The following TLR10 variants were observed in gnomAD, a reference collection of about 807,000 sequenced individuals.
TLR10 encodes the protein toll-like receptor 10.
For missense variants in TLR10, 929 were observed against 932.9 expected, an observed-to-expected ratio of 1.00 and a Z score of 0.05; for synonymous variants, 288 against 338.8, an observed-to-expected ratio of 0.85 and a Z score of 1.65.
In TLR10 at chr4:38,774,878, C is replaced by T. The variant is rs1355042377; in HGVS notation, c.713G>A (p.Ser238Asn). Residue 238 changes from serine (S) to asparagine (N), a missense_variant, in exon 4 of 4, where the codon AGT becomes AAT. By Grantham distance (46) the Ser-to-Asn change is conservative (BLOSUM62 1). Transcript: ENST00000308973. ...FVSYEMQRNL[S>N]LENAKTSVLL... is the part of the protein sequence containing the mutation. ...AACCGATGTCTTAGCATTTTCTAAA[C>T]TAAGATTTCGTTGCATTTCATAACT... 8 of 1,607,524 alleles carry T rather than the reference C, an allele frequency of 5.0e-6. No individual in the cohort carries two copies. The East Asian group carries it at 1.3e-4, about 27-fold the overall frequency.
rs11466662 is a variant in TLR10 at position 38,772,808 on chromosome 4, A to G, written c.*347T>C. On this transcript the variant is annotated 3_prime_UTR_variant, in exon 4 of 4. Coordinates refer to ENST00000308973, the MANE Select transcript of TLR10 (RefSeq NM_030956.4). The stretch of plus-strand genomic sequence containing the variant: ...CAGCTAATTTTTGTATTTTTAGTAG[A>G]GACAGGGTTTCACCATGTTGGCCAG... 474 of 155,808 alleles carry G rather than the reference A, an allele frequency of 3.0e-3. 1 individual carries two copies. Among genetic ancestry groups the G allele is most frequent in the African/African-American group, 0.011 (459 of 41,586 alleles). The allele number at this position is 155,808 out of a possible 1,614,324, so 9.7% of individuals were successfully genotyped here.
intron 1 of TLR10, among the ~76,000 whole-genome samples, chr4:38,778,429 AAAAT>A (rs140633479): frequency 7.4e-5 from 11 of 149,134 alleles, no homozygotes; most frequent in Admixed American, 4.0e-4. Flanking sequence ...CTTACAGTAT[AAAAT>A]AAATAAATAA....
At chr4:38,777,928 ATCCTGCAATGCCATTACTGGGTATC>A (rs1313278102) in intron 1 of TLR10, among the ~76,000 whole-genome samples, 1 of 152,214 alleles carries the variant, frequency 6.6e-6, no homozygotes, top group Non-Finnish European at 1.5e-5. Context: ...ATACTATTTG[ATCCTGCAATGCCATTACTGGGTATC>A]TATCCAAAGG....
intron 1 of TLR10, among the ~76,000 whole-genome samples, chr4:38,781,531 C>T (rs991656775): frequency 5.9e-5 from 9 of 152,108 alleles, no homozygotes; most frequent in Non-Finnish European, 1.5e-5. Flanking sequence ...GATGGGGTTT[C>T]ACCATGTTGG....
At chr4:38,779,936 C>T (rs1280742008) in intron 1 of TLR10, among the ~76,000 whole-genome samples, 1 of 152,174 alleles carries the variant, frequency 6.6e-6, no homozygotes, top group Non-Finnish European at 1.5e-5. Context: ...ATGGTGCCTG[C>T]TCATTACTGC....
intron 1 of TLR10, among the ~76,000 whole-genome samples, chr4:38,781,594 C>T (rs374271946): frequency 6.6e-6 from 1 of 152,138 alleles, no homozygotes; most frequent in South Asian, 2.1e-4. Context: ...CCTACTACTA[C>T]GTTAAAAGCA....
At chr4:38,777,302 G>T (rs551550454) in intron 1 of TLR10, among the ~76,000 whole-genome samples, 2 of 152,294 alleles carry the variant, frequency 1.3e-5, no homozygotes, top group Admixed American at 6.5e-5. Flanking sequence ...TTTGGAGAGA[G>T]AGAGAACAGC....
chr4:38,782,366 T>A (rs1442995383), intron 1 of TLR10, among the ~76,000 whole-genome samples: 1 of 152,192 alleles, frequency 6.6e-6, no homozygotes, highest in African/African-American at 2.4e-5. Context: ...GGGAGAAAGC[T>A]TATCAAGAAA....
In TLR10 at chr4:38,775,282, C is replaced by T; in HGVS notation, c.309G>A (p.Leu103=). ...EFNKELRYLD[L]SNNRLKSVTW... ...TTACACTCTTCAGTCTGTTATTAGA[C>T]AAATCTAAATATCTTAACTCCTTGT... Residue 103 remains leucine (L), a synonymous_variant, in exon 4 of 4, where the codon TTG becomes TTA. Coordinates refer to ENST00000308973, the MANE Select transcript of TLR10 (RefSeq NM_030956.4). 1 of 1,614,028 alleles carries T rather than the reference C, an allele frequency of 6.2e-7. No homozygotes were observed. The highest frequency in any genetic ancestry group is 8.5e-7 in the Non-Finnish European group (1 of 1,179,982).
Position 38,772,380 on chromosome 4 carries a change from TACTACATC to T in TLR10, c.*767_*774del, listed in dbSNP as rs1396336371. On this transcript the variant is annotated 3_prime_UTR_variant, in exon 4 of 4. Coordinates refer to ENST00000308973, the MANE Select transcript of TLR10 (RefSeq NM_030956.4). Reference sequence around the variant, plus strand: ...CAACCTCCCAGACCCAAACCACTGTTACTACATCTGGTATAGATTTCTTTACACTTTTA... The same window carrying T: ...CAACCTCCCAGACCCAAACCACTGTTTGGTATAGATTTCTTTACACTTTTA... The T allele has an allele frequency of 6.6e-6, 1 of 152,182 alleles. No homozygotes were observed. The highest frequency in any genetic ancestry group is 1.5e-5 in the Non-Finnish European group (1 of 68,030). The allele number at this position is 152,182 out of a possible 1,614,324, so 9.4% of individuals were successfully genotyped here. A position where few individuals can be genotyped will look rare whatever the true frequency, so the allele number is the denominator to read the frequency against.
At position 38,774,729 on chromosome 4, in the gene TLR10, C is replaced by A; in HGVS notation, c.862G>T (p.Asp288Tyr). The A allele has an allele frequency of 1.3e-6, 2 of 1,590,006 alleles. No homozygotes were observed. The highest frequency in any genetic ancestry group is 2.3e-5 in the South Asian group (2 of 86,314). The change falls in exon 4 of 4, where the codon GAC becomes TAC. Residue 288 changes from aspartate (D) to tyrosine (Y), a missense_variant. By Grantham distance (160) the Asp-to-Tyr change is radical. Coordinates refer to ENST00000308973, the MANE Select transcript of TLR10 (RefSeq NM_030956.4). ...NVTFGGKAYL[D>Y]HNSFDYSNTV... ...TTTGAGTAGTCAAATGAATTGTGGT[C>A]AAGATAAGCCTTACCACCAAAAGTC...
In TLR10 at chr4:38,775,767, G is replaced by T; in HGVS notation, c.-63+8C>A. On this transcript the variant is annotated splice_region_variant and intron_variant, in intron 3 of 3. Transcript: ENST00000308973. ...ACATTCATCAAGAGGTTGGAGTAAG[G>T]TTCCAACCTGTATATTGGGTCTTCG... 1.7e-6 allele frequency: 1 copy of T among 577,114 alleles called. No homozygotes were observed. Among genetic ancestry groups the T allele is most frequent in the Non-Finnish European group, 2.8e-6 (1 of 351,328 alleles). The allele number at this position is 577,114 out of a possible 1,614,324, so 35.7% of individuals were successfully genotyped here.
At position 38,775,203 on chromosome 4, in the gene TLR10, C is replaced by CA. The variant is rs1560444237; in HGVS notation, c.387dup (p.Asp130Ter). ...GCTTCCTCACAGATAGGCATGGTGT[C>CA]AAAGTCATTAAAAGAAAGATCTAAA... On this transcript the variant is annotated frameshift_variant, in exon 4 of 4. Coordinates refer to ENST00000308973, the MANE Select transcript of TLR10 (RefSeq NM_030956.4). LOFTEE classifies it low-confidence loss of function (END_TRUNC). 1 of 1,612,930 alleles carries CA rather than the reference C, an allele frequency of 6.2e-7. No individual in the cohort carries two copies. Among genetic ancestry groups the CA allele is most frequent in the Non-Finnish European group, 8.5e-7 (1 of 1,179,656 alleles).
In TLR10 at chr4:38,772,944, T is replaced by A. The variant is rs546678952; in HGVS notation, c.*211A>T. On this transcript the variant is annotated 3_prime_UTR_variant, in exon 4 of 4. Coordinates refer to ENST00000308973, the MANE Select transcript of TLR10 (RefSeq NM_030956.4). Reference sequence around the variant, plus strand: ...CCACATTTTTCATGATTATAAACAATCCTGGGATGAACACCTTTTTCCATA... The same window carrying A: ...CCACATTTTTCATGATTATAAACAAACCTGGGATGAACACCTTTTTCCATA... The A allele has an allele frequency of 6.5e-4, 258 of 398,518 alleles. 1 individual carries two copies. Among genetic ancestry groups the A allele is most frequent in the East Asian group, 5.6e-3 (120 of 21,586 alleles). 24.7% of individuals were successfully genotyped at this position (398,518 alleles called of 1,614,324 possible).
Position 38,774,832 on chromosome 4 carries a change from A to C in TLR10, c.759T>G (p.Asp253Glu). 4 of 1,595,016 alleles carry C rather than the reference A, an allele frequency of 2.5e-6. No individual in the cohort carries two copies. The highest frequency in any genetic ancestry group is 2.6e-6 in the Non-Finnish European group (3 of 1,171,954). The change falls in exon 4 of 4, where the codon GAT (aspartate) becomes GAG (glutamate). Residue 253 changes from aspartate (D) to glutamate (E), a missense_variant. Transcript: ENST00000308973. Reference sequence around the variant, plus strand: ...TAAGGAAAAGGTCGTCCCAGAGTAAATCAACTTTATTAAGCAATAGAACCG... The same window carrying C: ...TAAGGAAAAGGTCGTCCCAGAGTAACTCAACTTTATTAAGCAATAGAACCG... Reference protein sequence around the residue: ...KTSVLLLNKVDLLWDDLFLIL... With the variant: ...KTSVLLLNKVELLWDDLFLIL...
In TLR10 at chr4:38,774,337, T is replaced by C. The variant is rs575366210; in HGVS notation, c.1254A>G (p.Ser418=). The C allele has an allele frequency of 6.2e-7, 1 of 1,611,584 alleles. No homozygotes were observed. Among genetic ancestry groups the C allele is most frequent in the African/African-American group, 1.3e-5 (1 of 74,898 alleles). Residue 418 remains serine, a synonymous_variant, in exon 4 of 4, where the codon TCA becomes TCG. Transcript: ENST00000308973. The stretch of plus-strand genomic sequence containing the variant: ...TCATATTGACCACAGTTTCTGGCCA[T>C]GAGCAATTTTCATCATTTTTATGTT... ...LLQHKNDENC[S]WPETVVNMNL...
Position 38,773,925 on chromosome 4 carries a change from G to T in TLR10, c.1666C>A (p.Pro556Thr), listed in dbSNP as rs779649082. ...GWSDSYTCEYPLNLRGTRLKD... is the reference protein window; with the variant it reads ...GWSDSYTCEYTLNLRGTRLKD... ...AACCTAGTTCCCCTTAGGTTTAAAG[G>T]GTATTCACAGGTGTATGAATCTGAC... is the stretch of plus-strand genomic sequence containing the variant. The change falls in exon 4 of 4, where the codon CCT (proline) becomes ACT (threonine). Residue 556 changes from proline to threonine, a missense_variant. Physicochemically the swap from Pro to Thr is conservative, Grantham distance 38 (BLOSUM62 -1). Coordinates refer to ENST00000308973, the MANE Select transcript of TLR10 (RefSeq NM_030956.4). The T allele has an allele frequency of 3.2e-6, 5 of 1,583,312 alleles. No homozygotes were observed. The highest frequency in any genetic ancestry group is 4.3e-6 in the Non-Finnish European group (5 of 1,165,722).
Position 38,773,636 on chromosome 4 carries a change from A to C in TLR10, c.1955T>G (p.Leu652Trp). ...EHDSLWVKNE[L>W]IPNLEKEDGS... ...ATCTTCCTTCTCTAGATTGGGGATC[A>C]ATTCATTCTTCACCCACAGAGAATC... Residue 652 changes from leucine to tryptophan, a missense_variant, in exon 4 of 4, where the codon TTG becomes TGG. Physicochemically the swap from Leu to Trp is moderately conservative, Grantham distance 61. Coordinates refer to ENST00000308973, the MANE Select transcript of TLR10 (RefSeq NM_030956.4). The C allele has an allele frequency of 6.2e-7, 1 of 1,604,302 alleles. No individual in the cohort carries two copies. Among genetic ancestry groups the C allele is most frequent in the Non-Finnish European group, 8.5e-7 (1 of 1,175,534 alleles).
rs756938836 is a variant in TLR10 at position 38,773,948 on chromosome 4, GACCATCCA to G, written c.1635_1642del (p.Gly546ArgfsTer6). The stretch of plus-strand genomic sequence containing the variant: ...AGGGTATTCACAGGTGTATGAATCT[GACCATCCA>G]ACCATCATGACCTCTGAATATGTTT... On this transcript the variant is annotated frameshift_variant, in exon 4 of 4. Transcript: ENST00000308973. LOFTEE classifies it low-confidence loss of function (END_TRUNC). 3 of 1,580,726 alleles carry G rather than the reference GACCATCCA, an allele frequency of 1.9e-6. No individual in the cohort carries two copies. The highest frequency in any genetic ancestry group is 2.6e-6 in the Non-Finnish European group (3 of 1,163,090).
Sources: gnomAD v4.1 joint callset for allele counts (sites outside exome capture counted in the v4.1 genomes callset) on GRCh38, gnomAD v4.1.1 for gene constraint, MANE v1.5 for transcripts, NCBI Gene and HGNC (gene_info 2026-07-23, HGNC 2026-07-21) for gene names.